RPH3A: variants seen among roughly 807,000 people sequenced by gnomAD.
The protein encoded by RPH3A is rabphilin-3A.
RPH3A carries 48 observed loss-of-function variants against 102.2 expected under a neutral mutation model. The observed-to-expected ratio is 0.47, with a 90% CI of 0.37 to 0.60. RPH3A has a LOEUF of 0.60. RPH3A is among the 20% of genes least tolerant of loss of function. RPH3A has a pLI of 0.00. For missense variants in RPH3A, 781 were observed against 910.1 expected (o/e 0.86, Z 1.83); for synonymous variants, 310 against 324.3 (o/e 0.96, Z 0.47).
chr12:112,715,662 TG>T (rs1156757191), intron 1 of RPH3A, among the ~76,000 whole-genome samples: 2 of 152,178 alleles, frequency 1.3e-5, no homozygotes, highest in East Asian at 3.8e-4. Flanking sequence ...GAGCTCACAG[TG>T]GGCAGGGACC....
chr12:112,677,743 A>G (rs1450709465), intron 1 of RPH3A, among the ~76,000 whole-genome samples: 2 of 152,092 alleles, frequency 1.3e-5, no homozygotes, highest in Non-Finnish European at 2.9e-5. Context: ...TGCAAGGCAC[A>G]CAGCCCAGAG....
At chr12:112,583,550 T>C (rs1029920781) in intron 1 of RPH3A, among the ~76,000 whole-genome samples, 1 of 152,166 alleles carries the variant, frequency 6.6e-6, no homozygotes, top group African/African-American at 2.4e-5. Context: ...GGAACCATCC[T>C]TTGCATTTCC....
chr12:112,717,493 T>C (rs962417147), intron 1 of RPH3A, among the ~76,000 whole-genome samples: 1 of 152,160 alleles, frequency 6.6e-6, no homozygotes, highest in African/African-American at 2.4e-5. Flanking sequence ...AATATATATG[T>C]AATATATCCC....
At chr12:112,576,892 T>C (rs992142506) in intron 1 of RPH3A, among the ~76,000 whole-genome samples, 5 of 141,096 alleles carry the variant, frequency 3.5e-5, no homozygotes, top group Admixed American at 2.1e-4. Context: ...TGTTCTTTTC[T>C]TTTTTTTCTT....
intron 1 of RPH3A, among the ~76,000 whole-genome samples, chr12:112,683,757 C>G (rs1188455588): frequency 1.3e-5 from 2 of 151,866 alleles, no homozygotes; most frequent in Non-Finnish European, 2.9e-5. Context: ...AAATCTTCAA[C>G]TCTTCAGGAT....
chr12:112,677,459 TTC>T (rs2040187534), intron 1 of RPH3A, among the ~76,000 whole-genome samples: 2 of 132,240 alleles, frequency 1.5e-5, no homozygotes, highest in African/African-American at 5.8e-5. Flanking sequence ...CCTTCCTTCC[TTC>T]CTTCCTTCCT....
chr12:112,671,121 G>A (rs534192200), intron 1 of RPH3A, among the ~76,000 whole-genome samples: 1 of 152,210 alleles, frequency 6.6e-6, no homozygotes, highest in South Asian at 2.1e-4. Flanking sequence ...AAGGTAGTGG[G>A]TGATTGTGTC....
intron 1 of RPH3A, among the ~76,000 whole-genome samples, chr12:112,627,050 G>A (rs1305739969): frequency 8.9e-6 from 1 of 112,782 alleles, no homozygotes; most frequent in Non-Finnish European, 1.8e-5. Flanking sequence ...CACACTCTGG[G>A]GACTGTGGTG....
chr12:112,816,032 G>A (rs2041665725), intron 2 of RPH3A, among the ~76,000 whole-genome samples: 1 of 152,188 alleles, frequency 6.6e-6, no homozygotes, highest in South Asian at 2.1e-4. Context: ...ATAACCCAGG[G>A]GAGGAAGGAA....
chr12:112,849,847 T>C (rs1469576594), intron 5 of RPH3A, among the ~76,000 whole-genome samples: 1 of 152,222 alleles, frequency 6.6e-6, no homozygotes, highest in African/African-American at 2.4e-5. Flanking sequence ...GAAAGTACTC[T>C]GACTGGCTTA....
intron 1 of RPH3A, among the ~76,000 whole-genome samples, chr12:112,736,992 A>C (rs1345638311): frequency 6.6e-6 from 1 of 151,896 alleles, no homozygotes; most frequent in East Asian, 1.9e-4. Flanking sequence ...GAGTCTCTAC[A>C]AAAAATACAA....
intron 1 of RPH3A, among the ~76,000 whole-genome samples, chr12:112,671,842 A>T (rs1028479354): frequency 2.0e-5 from 3 of 151,202 alleles, no homozygotes; most frequent in Admixed American, 1.3e-4. Context: ...GAAAAACAGA[A>T]CCAATAGGAT....
chr12:112,628,196 G>GAGATC (rs1391981949), intron 1 of RPH3A, among the ~76,000 whole-genome samples: 4 of 152,082 alleles, frequency 2.6e-5, no homozygotes, highest in Non-Finnish European at 5.9e-5. Flanking sequence ...CGTTTGAGCA[G>GAGATC]AGATCAGGAG....
intron 1 of RPH3A, among the ~76,000 whole-genome samples, chr12:112,613,306 G>T (rs1367472968): frequency 6.6e-6 from 1 of 151,990 alleles, no homozygotes; most frequent in Non-Finnish European, 1.5e-5. Flanking sequence ...GAGAGACCAG[G>T]TCGTTGCCTT....
At chr12:112,770,266 G>C (rs976531529) in intron 1 of RPH3A, among the ~76,000 whole-genome samples, 1 of 152,080 alleles carries the variant, frequency 6.6e-6, no homozygotes, top group African/African-American at 2.4e-5. Context: ...TGGAGTGGCT[G>C]TCTCAGAATT....
rs143251308 is a variant in RPH3A, at chr12:112,658,178, A to G, written c.-140+82859A>G. Among the ~76,000 whole-genome samples, 166 of 151,840 alleles carry G rather than the reference A, an allele frequency of 1.1e-3. 1 individual carries two copies. Among genetic ancestry groups the G allele is most frequent in the African/African-American group, 3.9e-3 (160 of 41,428 alleles). On this transcript the variant is annotated intron_variant, in intron 1 of 21. Transcript: ENST00000543106. ...ATTTTATATATGTATTTTTTATTTT[A>G]TTTATTTATTTATTTTGAGATGGAA...
intron 2 of RPH3A, among the ~76,000 whole-genome samples, chr12:112,827,089 A>C (rs565490507): frequency 6.6e-6 from 1 of 152,226 alleles, no homozygotes; most frequent in South Asian, 2.1e-4. Context: ...CTCACAGATA[A>C]TATAATTCAC....
chr12:112,739,442 G>A (rs555843215), intron 1 of RPH3A, among the ~76,000 whole-genome samples: 6 of 152,132 alleles, frequency 3.9e-5, no homozygotes, highest in African/African-American at 1.4e-4. Flanking sequence ...GTTGGAACTC[G>A]TGCCTGTGGA....
upstream of RPH3A, among the ~76,000 whole-genome samples, chr12:112,787,499 C>T (rs1489830042): frequency 6.6e-6 from 1 of 152,220 alleles, no homozygotes. Context: ...ACACAACCTC[C>T]TTTCACTGTT....
Sources: allele counts gnomAD v4.1 joint callset (sites outside exome capture counted in the v4.1 genomes callset), GRCh38; gene constraint gnomAD v4.1.1; transcripts MANE v1.5; gene names NCBI Gene and HGNC (gene_info 2026-07-23, HGNC 2026-07-21).